Variants in HYOU1 observed in about 807,000 individuals in gnomAD.
HYOU1 encodes hypoxia up-regulated 1, also known as hypoxia up-regulated protein 1.
HYOU1 carries 40 observed loss-of-function variants against 120.5 expected under a neutral mutation model. The ratio of observed to expected loss-of-function variants is 0.33; its 90% CI spans 0.26 to 0.43. The LOEUF is 0.43. Among genes scored for constraint, HYOU1 ranks in the 20% least tolerant of loss-of-function variants. HYOU1 has a pLI of 1.00. For synonymous variants in HYOU1, 501 were observed against 479.4 expected, an observed-to-expected ratio of 1.05 and a Z score of -0.59; for missense variants, 1,085 against 1,278.3, an observed-to-expected ratio of 0.85 and a Z score of 2.31.
chr11:119,050,446 G>C (rs2133578833), intron 14 of HYOU1, among the ~76,000 whole-genome samples: 1 of 151,924 alleles, frequency 6.6e-6, no homozygotes, highest in Non-Finnish European at 1.5e-5. Flanking sequence ...CTGAGGCTGC[G>C]TGGCTCCCAC....
At chr11:119,049,266 TCGG>T in intron 16 of HYOU1, 63 bp from the exon 17 acceptor site, 1 of 1,592,244 alleles carries the variant, frequency 6.3e-7, no homozygotes. Flanking sequence ...CAGGCCTGGC[TCGG>T]CACCGCCGAC....
chr11:119,054,720 GA>G, intron 6 of HYOU1, 45 bp from the exon 7 acceptor site: 1 of 1,576,234 alleles, frequency 6.3e-7, no homozygotes, highest in African/African-American at 1.3e-5. Flanking sequence ...CCATACCTTA[GA>G]TGAGGGCTTC....
chr11:119,050,446 G>A (rs923543115), intron 14 of HYOU1, among the ~76,000 whole-genome samples: 2 of 151,924 alleles, frequency 1.3e-5, no homozygotes, highest in Admixed American at 6.6e-5. Context: ...CTGAGGCTGC[G>A]TGGCTCCCAC....
intron 6 of HYOU1, 90 bp from the exon 7 acceptor site, chr11:119,054,765 A>C: frequency 7.3e-7 from 1 of 1,372,922 alleles, no homozygotes; most frequent in Non-Finnish European, 1.0e-6. Flanking sequence ...TGGACTAGGT[A>C]ATTCTGTGTT....
chr11:119,050,168 T>A (rs2133577685), intron 14 of HYOU1, among the ~76,000 whole-genome samples: 2 of 152,306 alleles, frequency 1.3e-5, no homozygotes, highest in African/African-American at 4.8e-5. Context: ...TCTCAACACT[T>A]TGGGAGGCCA....
At chr11:119,056,500 T>A in intron 1 of HYOU1, 1 of 413,216 alleles carries the variant, frequency 2.4e-6, no homozygotes, top group Non-Finnish European at 4.7e-6. Context: ...CTGTGCCTGT[T>A]GTCAGACACC....
intron 1 of HYOU1, 178 bp downstream of exon 1, chr11:119,056,842 C>G (rs1467378638): frequency 1.2e-4 from 21 of 177,936 alleles, no homozygotes; most frequent in Non-Finnish European, 7.2e-5. Context: ...GGAAACGGAT[C>G]CCGGCCCGCC....
chr11:119,053,411 G>C (rs759963436), intron 8 of HYOU1: 1 of 152,942 alleles, frequency 6.5e-6, no homozygotes, highest in Non-Finnish European at 1.5e-5. Flanking sequence ...TGCATGGCAA[G>C]TTCCGGAGGA....
chr11:119,055,415 T>C lies in HYOU1; in HGVS notation c.265-76A>G. ...TACCTACCTCTTACATCACAGAGACTGATAAGGAAACAGACTCTGGGGGCT... is the reference window on the plus strand; with the variant it reads ...TACCTACCTCTTACATCACAGAGACCGATAAGGAAACAGACTCTGGGGGCT... On this transcript the variant is annotated intron_variant, in intron 4 of 25. Transcript: ENST00000617285. This position sits in a 1 kb window ranked among gnomAD's most constrained non-coding sequence, Gnocchi z 4.0. 3.1e-6 allele frequency: 5 copies of C among 1,607,886 alleles called. No individual in the cohort carries two copies. The South Asian group carries it at 3.3e-5, about 11-fold the overall frequency.
chr11:119,051,123 T>C lies in HYOU1; in HGVS notation c.1577A>G (p.Asp526Gly), dbSNP rs199618551. 2 of 1,614,080 alleles carry C rather than the reference T, an allele frequency of 1.2e-6. No individual in the cohort carries two copies. The highest frequency in any genetic ancestry group is 1.7e-6 in the Non-Finnish European group (2 of 1,180,026). ...LTTVKLKGVGDSFKKYPDYES... is the reference protein window; with the variant it reads ...LTTVKLKGVGGSFKKYPDYES... ...GTAGTCAGGATACTTCTTGAAGCTG[T>C]CACCCACCCCTTTTAGCTTCACTGT... The change falls in exon 14 of 26, where the codon GAC becomes GGC. Residue 526 changes from aspartate (D) to glycine (G), a missense_variant. Transcript: ENST00000617285. This position sits in a 1 kb window ranked among gnomAD's most constrained non-coding sequence, Gnocchi z 4.2.
In HYOU1 at chr11:119,052,956, C is replaced by T; in HGVS notation, c.795-127G>A. 1.2e-6 allele frequency: 1 copy of T among 840,206 alleles called. No individual in the cohort carries two copies. The highest frequency in any genetic ancestry group is 2.8e-5 in the Admixed American group (1 of 35,592). 52.0% of individuals were successfully genotyped at this position (840,206 alleles called of 1,614,324 possible). On this transcript the variant is annotated intron_variant, in intron 8 of 25. Coordinates refer to ENST00000617285, the MANE Select transcript of HYOU1 (RefSeq NM_006389.5). The surrounding 1 kb of genome is among the most constrained non-coding windows in gnomAD (Gnocchi z 5.0). ...GGGGACCTTGTTCATCTCCAGTGCC[C>T]CATGTGTGGACACACACTCTGCCCT...
Position 119,045,355 on chromosome 11 carries a change from T to C in HYOU1, c.*238A>G. On this transcript the variant is annotated 3_prime_UTR_variant, in exon 26 of 26. Coordinates refer to ENST00000617285, the MANE Select transcript of HYOU1 (RefSeq NM_006389.5). ...TTCCCAAATTTAGGGCCTATATGGG[T>C]AGGGAACAGGGAGTGGGGCTGGGGA... 1 of 668,614 alleles carries C rather than the reference T, an allele frequency of 1.5e-6. No individual in the cohort carries two copies. Among genetic ancestry groups the C allele is most frequent in the Admixed American group, 2.1e-5 (1 of 48,016 alleles). The allele number at this position is 668,614 out of a possible 1,614,324, so 41.4% of individuals were successfully genotyped here. A position where few individuals can be genotyped will look rare whatever the true frequency, so the allele number is the denominator to read the frequency against.
chr11:119,054,342 C>G, intron 7 of HYOU1, 106 bp from the exon 8 acceptor site: 4 of 1,208,578 alleles, frequency 3.3e-6, no homozygotes, highest in Non-Finnish European at 4.8e-6. Context: ...TAACACAAAA[C>G]TAAACAGCTC....
chr11:119,045,727 G>C (rs1304124688), intron 25 of HYOU1, 54 bp downstream of exon 25: 41 of 1,613,268 alleles, frequency 2.5e-5, no homozygotes, highest in Non-Finnish European at 3.2e-5. Context: ...TCTTTGCAAA[G>C]GATTTCCTGA....
At chr11:119,054,706 G>A (rs2133607449) in intron 6 of HYOU1, 31 bp from the exon 7 acceptor site, 27 of 1,597,526 alleles carry the variant, frequency 1.7e-5, no homozygotes, top group Middle Eastern at 1.7e-4. Flanking sequence ...GGGTCCCGCC[G>A]GCTCCATACC....
rs2133597764 is a variant in HYOU1 at position 119,053,105 on chromosome 11, A to G, written c.795-276T>C. On this transcript the variant is annotated intron_variant, in intron 8 of 25. Transcript: ENST00000617285. ...AATACAAATGTGGCGGTGGGGAGAG[A>G]GACAGGGTCCCTGCTATGGAAAAGT... 94 of 400,078 alleles carry G rather than the reference A, an allele frequency of 2.3e-4. No homozygotes were observed. The East Asian group carries it at 3.7e-3, about 16-fold the overall frequency. The allele number at this position is 400,078 out of a possible 1,614,324, so 24.8% of individuals were successfully genotyped here.
intron 24 of HYOU1, among the ~76,000 whole-genome samples, chr11:119,046,186 G>C (rs2133547895): frequency 1.3e-5 from 2 of 151,286 alleles, no homozygotes; most frequent in African/African-American, 4.9e-5. Flanking sequence ...GGCTGGTCTC[G>C]AACTCCTGAC....
chr11:119,055,609 A>G lies in HYOU1; in HGVS notation c.186-38T>C, dbSNP rs2133614628. ...GATTTTGGGCCCAGGTGCCTGCAGC[A>G]GAAGGACTCAGAAGCCTCGACACTC... On this transcript the variant is annotated intron_variant, in intron 3 of 25. Coordinates refer to ENST00000617285, the MANE Select transcript of HYOU1 (RefSeq NM_006389.5). This position sits in a 1 kb window ranked among gnomAD's most constrained non-coding sequence, Gnocchi z 4.0. 2 of 1,568,866 alleles carry G rather than the reference A, an allele frequency of 1.3e-6. No individual in the cohort carries two copies. Among genetic ancestry groups the G allele is most frequent in the Non-Finnish European group, 1.8e-6 (2 of 1,138,760 alleles).
At chr11:119,047,534 G>T in intron 22 of HYOU1, 200 bp downstream of exon 22, 1 of 552,318 alleles carries the variant, frequency 1.8e-6, no homozygotes. Flanking sequence ...GGGCTTTTTT[G>T]CTCCTCCAGG....
Sources: gnomAD v4.1 joint callset for allele counts (sites outside exome capture counted in the v4.1 genomes callset) on GRCh38, gnomAD v4.1.1 for gene constraint, Gnocchi (gnomAD v3.1) non-coding constraint, MANE v1.5 for transcripts, NCBI Gene and HGNC (gene_info 2026-07-23, HGNC 2026-07-21) for gene names.